The following STRBP variants were observed in gnomAD, a reference collection of about 807,000 sequenced individuals.
STRBP encodes spermatid perinuclear RNA-binding protein.
In STRBP, 13 loss-of-function variants were observed where a neutral mutation model predicts 80.1. That is an observed-to-expected ratio of 0.16 (90% CI 0.11 to 0.26). STRBP has a LOEUF of 0.26. STRBP is among the 10% of genes least tolerant of loss of function. The pLI, the probability that STRBP is intolerant of heterozygous loss-of-function variation, is 1.00. For synonymous variants in STRBP, 284 were observed against 291.2 expected (o/e 0.98, Z 0.25); for missense variants, 485 against 815.2 (o/e 0.59, Z 4.93).
chr9:123,222,335 G>T (rs2040093283), intron 2 of STRBP, among the ~76,000 whole-genome samples: 1 of 151,954 alleles, frequency 6.6e-6, no homozygotes. Context: ...AGATGTTCCA[G>T]ACTTAGACAG....
At chr9:123,150,458 TCAGAAGGCTGAGG>T (rs1190574729) in intron 11 of STRBP, among the ~76,000 whole-genome samples, 1 of 152,108 alleles carries the variant, frequency 6.6e-6, no homozygotes, top group Non-Finnish European at 1.5e-5. Flanking sequence ...TCCCAGCTAC[TCAGAAGGCTGAGG>T]CAGGAGGATT....
At chr9:123,174,039 G>A (rs1467924676) in intron 4 of STRBP, among the ~76,000 whole-genome samples, 197 bp from the exon 5 acceptor site, 1 of 152,190 alleles carries the variant, frequency 6.6e-6, no homozygotes, top group Non-Finnish European at 1.5e-5. Context: ...AATGGGGAAC[G>A]TATTTCATAC....
intron 6 of STRBP, among the ~76,000 whole-genome samples, chr9:123,167,907 C>G (rs1206500607): frequency 1.3e-5 from 2 of 151,838 alleles, no homozygotes; most frequent in African/African-American, 4.8e-5. Context: ...ATAAAGGCAA[C>G]AGGCTAAGTT....
intron 4 of STRBP, among the ~76,000 whole-genome samples, chr9:123,174,392 T>C (rs1444085896): frequency 6.6e-6 from 1 of 152,214 alleles, no homozygotes; most frequent in Non-Finnish European, 1.5e-5. Context: ...GAACCATGTT[T>C]GCACCACTGC....
chr9:123,111,946 C>G (rs1346225735), intron 3 of STRBP: 3 of 194,384 alleles, frequency 1.5e-5, no homozygotes, highest in Admixed American at 6.5e-5. Flanking sequence ...GTATCCCTGA[C>G]CTGATTATCA....
chr9:123,257,342 C>G (rs955395604), intron 1 of STRBP, among the ~76,000 whole-genome samples: 1 of 152,086 alleles, frequency 6.6e-6, no homozygotes, highest in African/African-American at 2.4e-5. Context: ...TTATTCCCCT[C>G]CACTAGAAAT....
At chr9:123,169,085 T>C (rs2037895347) in intron 6 of STRBP, among the ~76,000 whole-genome samples, 1 of 151,962 alleles carries the variant, frequency 6.6e-6, no homozygotes, top group Non-Finnish European at 1.5e-5. Context: ...TCCCTTACAC[T>C]ATAAAACAAA....
intron 2 of STRBP, among the ~76,000 whole-genome samples, chr9:123,187,486 C>A (rs922778686): frequency 1.3e-5 from 2 of 152,068 alleles, no homozygotes; most frequent in Non-Finnish European, 2.9e-5. Flanking sequence ...AAAAAACACA[C>A]CTCAAATTTC....
intron 1 of STRBP, among the ~76,000 whole-genome samples, chr9:123,249,876 CAG>C (rs1440402827): frequency 6.6e-6 from 1 of 152,112 alleles, no homozygotes; most frequent in African/African-American, 2.4e-5. Flanking sequence ...TTCCAGAGTA[CAG>C]AGTTTCCCAG....
chr9:123,220,578 G>A (rs1051641080), intron 2 of STRBP, among the ~76,000 whole-genome samples: 4 of 152,210 alleles, frequency 2.6e-5, no homozygotes, highest in African/African-American at 9.7e-5. Context: ...AAAATGGCAT[G>A]TAGGTGGAGA....
intron 8 of STRBP, 94 bp downstream of exon 8, chr9:123,160,273 T>C: frequency 1.3e-6 from 1 of 787,060 alleles, no homozygotes; most frequent in Non-Finnish European, 1.9e-6. Context: ...TTAGCTAACT[T>C]AGGAGATAGC....
At chr9:123,256,884 C>A (rs899803906) in intron 1 of STRBP, among the ~76,000 whole-genome samples, 1 of 151,874 alleles carries the variant, frequency 6.6e-6, no homozygotes, top group Non-Finnish European at 1.5e-5. Flanking sequence ...TAGACAGTGG[C>A]TCCAGCCAGG....
At chr9:123,132,774 A>C in intron 17 of STRBP, 71 bp downstream of exon 17, 1 of 1,583,484 alleles carries the variant, frequency 6.3e-7, no homozygotes. Context: ...AACCTTAGAA[A>C]ATGCAGGAGA....
At chr9:123,196,310 T>C (rs1444417340) in intron 2 of STRBP, among the ~76,000 whole-genome samples, 2 of 152,152 alleles carry the variant, frequency 1.3e-5, no homozygotes, top group Non-Finnish European at 2.9e-5. Context: ...GACATTGGAC[T>C]GGGCAATGCT....
downstream of STRBP, among the ~76,000 whole-genome samples, chr9:123,119,501 G>A (rs537202554): frequency 1.2e-4 from 18 of 151,366 alleles, no homozygotes; most frequent in Non-Finnish European, 2.1e-4. Context: ...CTGCAGCAAC[G>A]CCACCACACT....
chr9:123,139,480 T>C, intron 14 of STRBP, 49 bp downstream of exon 14: 1 of 1,423,998 alleles, frequency 7.0e-7, no homozygotes, highest in Admixed American at 3.0e-5. Context: ...TCAAATTTCC[T>C]ACAATGCACA....
intron 11 of STRBP, among the ~76,000 whole-genome samples, chr9:123,153,916 T>C (rs966675223): frequency 6.6e-5 from 10 of 152,052 alleles, no homozygotes; most frequent in African/African-American, 2.4e-4. Context: ...GTCAGGAAGA[T>C]GAGAAAGAAC....
chr9:123,244,263 T>C (rs1346334069), intron 1 of STRBP, among the ~76,000 whole-genome samples: 1 of 152,154 alleles, frequency 6.6e-6, no homozygotes, highest in African/African-American at 2.4e-5. Context: ...GGCAAAACTA[T>C]GTTAACAGTA....
intron 1 of STRBP, among the ~76,000 whole-genome samples, chr9:123,250,200 G>C (rs1392279433): frequency 1.3e-5 from 2 of 152,160 alleles, no homozygotes; most frequent in Non-Finnish European, 2.9e-5. Flanking sequence ...ATATCTGTGT[G>C]AAGGCAGATT....
Sources: allele counts gnomAD v4.1 joint callset (sites outside exome capture counted in the v4.1 genomes callset), GRCh38; gene constraint gnomAD v4.1.1; transcripts MANE v1.5; gene names NCBI Gene and HGNC (gene_info 2026-07-23, HGNC 2026-07-21).